The following PDS5B variants were observed in gnomAD, a reference collection of about 807,000 sequenced individuals.
PDS5B encodes the protein sister chromatid cohesion protein PDS5 homolog B.
In PDS5B, 51 loss-of-function variants were observed where a neutral mutation model predicts 184.1. The ratio of observed to expected loss-of-function variants is 0.28; its 90% CI spans 0.22 to 0.35. PDS5B has a LOEUF of 0.35. PDS5B is among the 10% of genes least tolerant of loss of function. The pLI, the probability that PDS5B is intolerant of heterozygous loss-of-function variation, is 1.00. For synonymous variants in PDS5B, 566 were observed against 569.2 expected, an observed-to-expected ratio of 0.99 and a Z score of 0.08; for missense variants, 1,180 against 1,723.3, an observed-to-expected ratio of 0.68 and a Z score of 5.58.
At chr13:32,762,654 G>T (rs1026356313) in intron 30 of PDS5B, among the ~76,000 whole-genome samples, 3 of 152,016 alleles carry the variant, frequency 2.0e-5, no homozygotes, top group African/African-American at 2.4e-5. Context: ...AGAAAGCCTC[G>T]AAATTGTGTT....
chr13:32,601,063 A>G (rs1273810956), intron 1 of PDS5B, among the ~76,000 whole-genome samples: 1 of 152,156 alleles, frequency 6.6e-6, no homozygotes, highest in African/African-American at 2.4e-5. Context: ...TATCTGCCCT[A>G]TGCTGCTGCA....
intron 26 of PDS5B, among the ~76,000 whole-genome samples, chr13:32,756,659 T>C (rs1034199453): frequency 5.3e-5 from 8 of 152,210 alleles, no homozygotes; most frequent in African/African-American, 1.9e-4. Context: ...ATGATGCCTT[T>C]AGTTTCCTAT....
intron 7 of PDS5B, among the ~76,000 whole-genome samples, 181 bp downstream of exon 7, chr13:32,668,025 A>G (rs1304120395): frequency 1.3e-5 from 2 of 152,084 alleles, no homozygotes; most frequent in African/African-American, 4.8e-5. Context: ...TATTTTTTGG[A>G]AGGCTTGCTC....
At chr13:32,637,461 A>G (rs2058582654) in intron 1 of PDS5B, among the ~76,000 whole-genome samples, 1 of 152,180 alleles carries the variant, frequency 6.6e-6, no homozygotes, top group Admixed American at 6.5e-5. Context: ...AGTTTTGAGT[A>G]TCTTGAGTTC....
chr13:32,664,603 C>G (rs1226412566), intron 6 of PDS5B, among the ~76,000 whole-genome samples: 1 of 152,190 alleles, frequency 6.6e-6, no homozygotes, highest in Non-Finnish European at 1.5e-5. Context: ...CTAGCTCTCT[C>G]TCATTATCCC....
At chr13:32,597,621 G>A (rs1032845708) in intron 1 of PDS5B, among the ~76,000 whole-genome samples, 4 of 151,814 alleles carry the variant, frequency 2.6e-5, no homozygotes, top group Admixed American at 6.6e-5. Flanking sequence ...CAGGGGGTGC[G>A]GGGGTTGCAA....
rs1953530492 is a variant in PDS5B at position 32,741,068 on chromosome 13, G to GTTA, written c.2407-10_2407-9insATT. On this transcript the variant is annotated splice_polypyrimidine_tract_variant and intron_variant, in intron 21 of 34. Coordinates refer to ENST00000315596, the MANE Select transcript of PDS5B (RefSeq NM_015032.4). ...AGTCCCTGGTTTTTTTTTTTTTCTC[G>GTTA]TTTATTTTTAGCTTCCAGGGAAAAA... The GTTA allele has an allele frequency of 4.7e-6, 6 of 1,280,968 alleles. No individual in the cohort carries two copies. Among genetic ancestry groups the GTTA allele is most frequent in the Non-Finnish European group, 3.3e-6 (3 of 920,752 alleles). The allele number at this position is 1,280,968 out of a possible 1,614,324, so 79.4% of individuals were successfully genotyped here. A position where few individuals can be genotyped will look rare whatever the true frequency, so the allele number is the denominator to read the frequency against.
At chr13:32,619,837 C>G (rs1034577152) in intron 1 of PDS5B, among the ~76,000 whole-genome samples, 8 of 152,104 alleles carry the variant, frequency 5.3e-5, no homozygotes, top group African/African-American at 1.9e-4. Context: ...TTGCTCTTGT[C>G]CTCTAGGCTG....
intron 14 of PDS5B, among the ~76,000 whole-genome samples, chr13:32,696,576 C>T (rs1014534334): frequency 4.0e-5 from 6 of 151,308 alleles, no homozygotes; most frequent in African/African-American, 4.8e-5. Flanking sequence ...CCCCAAAATA[C>T]GTACCTGTTA....
In PDS5B at chr13:32,710,114, G is replaced by C. The variant is rs1261356078; in HGVS notation, c.2123+8G>C. 18 of 1,436,870 alleles carry C rather than the reference G, an allele frequency of 1.3e-5. No homozygotes were observed. The African/African-American group carries it at 2.4e-4, about 19-fold the overall frequency. 89.0% of individuals were successfully genotyped at this position (1,436,870 alleles called of 1,614,324 possible). ...TTTTCCACACATCAGATCGTGAGTT[G>C]AGTTTATTTTCAAAAATATTCTGGA... On this transcript the variant is annotated splice_region_variant and intron_variant, in intron 19 of 34. Coordinates refer to ENST00000315596, the MANE Select transcript of PDS5B (RefSeq NM_015032.4).
intron 9 of PDS5B, among the ~76,000 whole-genome samples, chr13:32,676,909 C>A (rs1035703931): frequency 8.9e-6 from 1 of 112,926 alleles, no homozygotes; most frequent in Non-Finnish European, 1.6e-5. Context: ...CCAGCCTGGG[C>A]GACAGAGCGA....
intron 1 of PDS5B, among the ~76,000 whole-genome samples, chr13:32,624,913 A>G (rs374598256): frequency 2.6e-5 from 4 of 152,032 alleles, no homozygotes; most frequent in African/African-American, 9.7e-5. Context: ...TTTTGTGCAG[A>G]TAAGAGACAG....
intron 10 of PDS5B, among the ~76,000 whole-genome samples, chr13:32,681,625 C>CAAAAAA (rs1215027589): frequency 7.4e-6 from 1 of 135,102 alleles, no homozygotes; most frequent in African/African-American, 2.7e-5. Flanking sequence ...GACTCAGTCT[C>CAAAAAA]AAAAAAAAAA....
At chr13:32,766,523 G>A (rs1048143861) in intron 31 of PDS5B, among the ~76,000 whole-genome samples, 9 of 152,108 alleles carry the variant, frequency 5.9e-5, no homozygotes, top group African/African-American at 1.4e-4. Context: ...TTTGACTGAA[G>A]TGCCCTCAGA....
At chr13:32,732,624 T>C (rs1953164789) in intron 20 of PDS5B, among the ~76,000 whole-genome samples, 1 of 152,142 alleles carries the variant, frequency 6.6e-6, no homozygotes, top group Non-Finnish European at 1.5e-5. Context: ...TCAGTACTAA[T>C]TGTTAATATA....
At chr13:32,756,885 G>A (rs928965647) in intron 26 of PDS5B, among the ~76,000 whole-genome samples, 2 of 152,080 alleles carry the variant, frequency 1.3e-5, no homozygotes, top group Admixed American at 1.3e-4. Context: ...CACTTTGGGA[G>A]GCTGAGGCGG....
chr13:32,716,998 G>A lies in PDS5B; in HGVS notation c.2123+6892G>A, dbSNP rs1243807621. Reference sequence around the variant, plus strand: ...GGGTCAGTCCCCCGCCCGGCCAGCTGCCCCGTCCGGGAGGGAGGTGGGGGG... The same window carrying A: ...GGGTCAGTCCCCCGCCCGGCCAGCTACCCCGTCCGGGAGGGAGGTGGGGGG... On this transcript the variant is annotated intron_variant, in intron 19 of 34. Transcript: ENST00000315596. Among the ~76,000 whole-genome samples the A allele has an allele frequency of 3.3e-4, 42 of 127,526 alleles. 1 individual carries two copies. The highest frequency in any genetic ancestry group is 2.4e-3 in the Admixed American group (33 of 13,542). 83.7% of individuals were successfully genotyped at this position (127,526 alleles called of 152,430 possible).
At chr13:32,758,274 G>A in intron 27 of PDS5B, 55 bp downstream of exon 27, 1 of 1,349,520 alleles carries the variant, frequency 7.4e-7, no homozygotes, top group East Asian at 2.5e-5. Flanking sequence ...AAATTTAGGT[G>A]TAAAGTATGA....
chr13:32,694,394 T>G, intron 14 of PDS5B, 90 bp downstream of exon 14: 1 of 830,042 alleles, frequency 1.2e-6, no homozygotes, highest in South Asian at 1.5e-5. Context: ...AACAATTCTT[T>G]CTGTTTGCAA....
Sources: gnomAD v4.1 joint callset for allele counts (sites outside exome capture counted in the v4.1 genomes callset) on GRCh38, gnomAD v4.1.1 for gene constraint, MANE v1.5 for transcripts, NCBI Gene and HGNC (gene_info 2026-07-23, HGNC 2026-07-21) for gene names.